Variants in ARID1B observed in about 807,000 individuals in gnomAD.
The protein encoded by ARID1B is AT-rich interaction domain 1B.
In ARID1B, 30 loss-of-function variants were observed where a neutral mutation model predicts 212.3. That is an observed-to-expected ratio of 0.14 (90% CI 0.11 to 0.19). The LOEUF (loss-of-function observed/expected upper bound fraction) is 0.19. ARID1B is among the 10% of genes least tolerant of loss of function. ARID1B has a pLI of 1.00. For missense variants in ARID1B, 2,891 were observed against 3,204.0 expected, an observed-to-expected ratio of 0.90 and a Z score of 2.36; for synonymous variants, 1,402 against 1,301.7, an observed-to-expected ratio of 1.08 and a Z score of -1.66.
At chr6:156,874,692 C>A (rs550920143) in intron 2 of ARID1B, among the ~76,000 whole-genome samples, 2 of 152,256 alleles carry the variant, frequency 1.3e-5, no homozygotes, top group East Asian at 3.9e-4. Context: ...TAAATAGGTC[C>A]CACATTTTCA....
chr6:156,796,813 A>G (rs1301806101), intron 1 of ARID1B, among the ~76,000 whole-genome samples: 1 of 152,094 alleles, frequency 6.6e-6, no homozygotes, highest in Non-Finnish European at 1.5e-5. Context: ...AAGTGGTGAG[A>G]TGGTGGGCTC....
intron 11 of ARID1B, among the ~76,000 whole-genome samples, chr6:157,178,633 A>G (rs1002909928): frequency 1.3e-5 from 2 of 152,268 alleles, no homozygotes; most frequent in Non-Finnish European, 2.9e-5. Flanking sequence ...TCTAAAAATT[A>G]TGAAAAAGAA....
At chr6:157,121,957 G>C (rs561591625) in intron 6 of ARID1B, among the ~76,000 whole-genome samples, 65 of 152,204 alleles carry the variant, frequency 4.3e-4, no homozygotes, top group Non-Finnish European at 8.1e-4. Context: ...ACTAGGTAAA[G>C]TCTCCGCTAA....
At chr6:157,115,582 A>T (rs1234085806) in intron 6 of ARID1B, among the ~76,000 whole-genome samples, 1 of 152,010 alleles carries the variant, frequency 6.6e-6, no homozygotes, top group Non-Finnish European at 1.5e-5. Flanking sequence ...GCCCGCCACC[A>T]CGCCCGGCTA....
At chr6:157,076,260 C>G (rs999237239) in intron 4 of ARID1B, among the ~76,000 whole-genome samples, 1 of 151,822 alleles carries the variant, frequency 6.6e-6, no homozygotes, top group South Asian at 2.1e-4. Context: ...ATAGTAGACT[C>G]CACACAATTT....
intron 4 of ARID1B, among the ~76,000 whole-genome samples, chr6:156,977,307 A>C (rs1777315432): frequency 6.7e-6 from 1 of 148,460 alleles, no homozygotes; most frequent in South Asian, 2.1e-4. Context: ...TTTAAACAGC[A>C]GCTCTAACTA....
At chr6:157,082,993 T>G (rs989113240) in intron 4 of ARID1B, among the ~76,000 whole-genome samples, 3 of 152,250 alleles carry the variant, frequency 2.0e-5, no homozygotes, top group Non-Finnish European at 4.4e-5. Flanking sequence ...CCAGATAAAC[T>G]AAACTATCCA....
intron 4 of ARID1B, among the ~76,000 whole-genome samples, chr6:157,004,907 T>G (rs56198807): frequency 0.012 from 1,299 of 109,840 alleles, 92 homozygotes; most frequent in African/African-American, 0.052. Flanking sequence ...CTTTTTTTTT[T>G]TTTTTTTTTT....
At chr6:157,008,046 T>C (rs1779351743) in intron 4 of ARID1B, among the ~76,000 whole-genome samples, 1 of 152,232 alleles carries the variant, frequency 6.6e-6, no homozygotes, top group South Asian at 2.1e-4. Context: ...AACATTTAAA[T>C]TCGGCAAATA....
intron 1 of ARID1B, among the ~76,000 whole-genome samples, chr6:156,807,210 G>C (rs1781233073): frequency 1.3e-5 from 2 of 148,942 alleles, no homozygotes. Flanking sequence ...TCAGCTAACA[G>C]GAAGCTGGGA....
intron 2 of ARID1B, among the ~76,000 whole-genome samples, chr6:156,890,222 T>A (rs1787818599): frequency 6.6e-6 from 1 of 152,220 alleles, no homozygotes; most frequent in Non-Finnish European, 1.5e-5. Flanking sequence ...TCACTTCAGC[T>A]GTGATTTGCT....
At chr6:156,979,811 C>T (rs1562525391) in intron 4 of ARID1B, among the ~76,000 whole-genome samples, 1 of 152,214 alleles carries the variant, frequency 6.6e-6, no homozygotes. Context: ...CCACCTCGGC[C>T]TCCCAAAGTG....
At position 157,178,446 on chromosome 6, in the gene ARID1B, C is replaced by G. The variant is rs148342183; in HGVS notation, c.3505-2523C>G. ...GTTTTACACAGTGTGTGACGTCGTGCTGCAAAGGAAAAGTAAAGCGTGTGG... is the reference window on the plus strand; with the variant it reads ...GTTTTACACAGTGTGTGACGTCGTGGTGCAAAGGAAAAGTAAAGCGTGTGG... On this transcript the variant is annotated intron_variant, in intron 11 of 19. Coordinates refer to ENST00000636930, the MANE Select transcript of ARID1B (RefSeq NM_001374828.1). Among the ~76,000 whole-genome samples the G allele has an allele frequency of 2.1e-3, 313 of 152,226 alleles. 1 individual carries two copies. Among genetic ancestry groups the G allele is most frequent in the African/African-American group, 7.3e-3 (302 of 41,528 alleles).
chr6:156,847,832 A>C (rs896107119), intron 2 of ARID1B, among the ~76,000 whole-genome samples: 1 of 152,220 alleles, frequency 6.6e-6, no homozygotes, highest in African/African-American at 2.4e-5. Flanking sequence ...GGCTCTCTGC[A>C]GATGTGGCTT....
At chr6:156,946,596 C>T (rs1793170597) in intron 4 of ARID1B, among the ~76,000 whole-genome samples, 1 of 151,944 alleles carries the variant, frequency 6.6e-6, no homozygotes. Flanking sequence ...GAAATGCTGT[C>T]ATGACCCTGG....
chr6:156,891,791 C>T (rs1787943567), intron 2 of ARID1B, among the ~76,000 whole-genome samples: 1 of 151,948 alleles, frequency 6.6e-6, no homozygotes, highest in South Asian at 2.1e-4. Context: ...AGGCTGTTTC[C>T]CTATTTTTGA....
At chr6:156,789,186 A>G (rs1412444736) in intron 1 of ARID1B, among the ~76,000 whole-genome samples, 2 of 152,154 alleles carry the variant, frequency 1.3e-5, no homozygotes, top group Non-Finnish European at 2.9e-5. Flanking sequence ...GTGTACTTGG[A>G]GATTGTTCTT....
intron 1 of ARID1B, among the ~76,000 whole-genome samples, chr6:156,827,212 A>C (rs1782800924): frequency 6.6e-6 from 1 of 151,936 alleles, no homozygotes; most frequent in Non-Finnish European, 1.5e-5. Context: ...GGGCATTTTC[A>C]CCTGGATTTC....
intron 2 of ARID1B, among the ~76,000 whole-genome samples, chr6:156,845,039 T>G (rs1488068436): frequency 6.6e-6 from 1 of 152,212 alleles, no homozygotes; most frequent in Non-Finnish European, 1.5e-5. Context: ...AGCCTTCCCG[T>G]GTCTGGGGAG....
Sources: gnomAD v4.1 joint callset for allele counts (sites outside exome capture counted in the v4.1 genomes callset) on GRCh38, gnomAD v4.1.1 for gene constraint, MANE v1.5 for transcripts, NCBI Gene and HGNC (gene_info 2026-07-23, HGNC 2026-07-21) for gene names.